KLHL2: variants seen among roughly 807,000 people sequenced by gnomAD.
The protein encoded by KLHL2 is kelch like family member 2.
In KLHL2, 15 loss-of-function variants were observed where a neutral mutation model predicts 75.8. That is an observed-to-expected ratio of 0.20 (90% confidence interval 0.13 to 0.30). KLHL2 has a LOEUF of 0.30. KLHL2 is among the 10% of genes least tolerant of loss of function. The pLI is 1.00. For missense variants in KLHL2, 381 were observed against 741.0 expected (o/e 0.51, Z 5.64); for synonymous variants, 214 against 251.9 (o/e 0.85, Z 1.42).
At chr4:165,222,250 A>G (rs980401800) in intron 2 of KLHL2, among the ~76,000 whole-genome samples, 1 of 152,168 alleles carries the variant, frequency 6.6e-6, no homozygotes, top group Admixed American at 6.5e-5. Context: ...AATGGACAGG[A>G]TGGTGTCTAA....
chr4:165,247,336 C>T (rs1233444114), intron 4 of KLHL2, among the ~76,000 whole-genome samples: 1 of 151,928 alleles, frequency 6.6e-6, no homozygotes, highest in Non-Finnish European at 1.5e-5. Context: ...CAGAGAGTAC[C>T]GAAAGTTCTT....
At chr4:165,286,333 G>A (rs576867282) in intron 5 of KLHL2, among the ~76,000 whole-genome samples, 1 of 152,296 alleles carries the variant, frequency 6.6e-6, no homozygotes, top group African/African-American at 2.4e-5. Flanking sequence ...CAGACAGCTA[G>A]AAATTCAAAC....
intron 9 of KLHL2, among the ~76,000 whole-genome samples, chr4:165,306,337 C>A (rs914408981): frequency 6.6e-6 from 1 of 152,152 alleles, no homozygotes; most frequent in African/African-American, 2.4e-5. Context: ...CTGGAGTTAC[C>A]TCATTCAATA....
intron 3 of KLHL2, among the ~76,000 whole-genome samples, chr4:165,231,746 T>C (rs959805003): frequency 6.6e-6 from 1 of 152,232 alleles, no homozygotes; most frequent in Non-Finnish European, 1.5e-5. Flanking sequence ...TGTGTGGACA[T>C]ATATTTTTAT....
intron 5 of KLHL2, among the ~76,000 whole-genome samples, chr4:165,271,193 G>A (rs1359787093): frequency 2.0e-5 from 3 of 151,964 alleles, no homozygotes; most frequent in African/African-American, 7.3e-5. Context: ...TGTGAAGAGT[G>A]ATGGCATTTT....
At chr4:165,272,180 T>TG (rs1421252539) in intron 5 of KLHL2, among the ~76,000 whole-genome samples, 1 of 152,094 alleles carries the variant, frequency 6.6e-6, no homozygotes, top group Non-Finnish European at 1.5e-5. Context: ...ATTATTTCAG[T>TG]GAAAAAATGT....
chr4:165,254,636 A>G (rs1741019091), intron 4 of KLHL2, among the ~76,000 whole-genome samples: 1 of 152,208 alleles, frequency 6.6e-6, no homozygotes, highest in Non-Finnish European at 1.5e-5. Context: ...ATTGTCTGGA[A>G]ACATTTTGTT....
At chr4:165,212,058 T>A (rs1452337291) in intron 1 of KLHL2, among the ~76,000 whole-genome samples, 1 of 152,172 alleles carries the variant, frequency 6.6e-6, no homozygotes, top group Admixed American at 6.5e-5. Context: ...TCACTTTATG[T>A]TGCATTTCTG....
intron 5 of KLHL2, among the ~76,000 whole-genome samples, chr4:165,266,124 A>C (rs1401846156): frequency 6.6e-6 from 1 of 152,164 alleles, no homozygotes; most frequent in African/African-American, 2.4e-5. Flanking sequence ...TCTTCTTTTG[A>C]GAAGTGTCTG....
Position 165,207,899 on chromosome 4 carries a change from C to T in KLHL2, c.23C>T (p.Pro8Leu). The T allele has an allele frequency of 1.4e-6, 2 of 1,434,950 alleles. No homozygotes were observed. Among genetic ancestry groups the T allele is most frequent in the East Asian group, 6.6e-5 (2 of 30,174 alleles). 88.9% of individuals were successfully genotyped at this position (1,434,950 alleles called of 1,614,324 possible). Residue 8 changes from proline to leucine, a missense_variant, in exon 1 of 15, where the codon CCC (proline) becomes CTC (leucine). Transcript: ENST00000226725. The surrounding 1 kb of genome is among the most constrained non-coding windows in gnomAD (Gnocchi z 4.2). ...ACAATGGAGACGCCGCCGCTGCCTC[C>T]CGCGTGAGTGAGCGGGCGGGCGGGC... is the stretch of plus-strand genomic sequence containing the variant. METPPLP[P>L]ACTKQGHQKP...
chr4:165,290,128 C>T (rs1371272482), intron 5 of KLHL2, among the ~76,000 whole-genome samples: 1 of 151,712 alleles, frequency 6.6e-6, no homozygotes, highest in Non-Finnish European at 1.5e-5. Flanking sequence ...ATTTATTTCT[C>T]AATATTTTAG....
At chr4:165,254,175 T>C (rs1740969968) in intron 4 of KLHL2, among the ~76,000 whole-genome samples, 1 of 152,268 alleles carries the variant, frequency 6.6e-6, no homozygotes, top group Admixed American at 6.5e-5. Context: ...CATTAAGTTG[T>C]TCTAATATGA....
At position 165,310,846 on chromosome 4, in the gene KLHL2, G is replaced by A. The variant is rs1479391821; in HGVS notation, c.1237+96G>A. On this transcript the variant is annotated intron_variant, in intron 10 of 14. Coordinates refer to ENST00000226725, the MANE Select transcript of KLHL2 (RefSeq NM_007246.4). ...GTGGCAACATTAGGGCACATGTGAGGTTTTTTGTGTTTTTTTTTTTTTTTT... is the reference window on the plus strand; with the variant it reads ...GTGGCAACATTAGGGCACATGTGAGATTTTTTGTGTTTTTTTTTTTTTTTT... 7.2e-6 allele frequency: 6 copies of A among 832,522 alleles called. No homozygotes were observed. The East Asian group carries it at 1.5e-4, about 21-fold the overall frequency. The allele number at this position is 832,522 out of a possible 1,614,324, so 51.6% of individuals were successfully genotyped here.
rs1181739624 is a variant in KLHL2 at position 165,314,177 on chromosome 4, G to C, written c.1609+11G>C. ...GCAGAAGAAATGCAGGTATCTGTCAGTTTAAGGTTATAAAACTTATGTTGA... is the reference window on the plus strand; with the variant it reads ...GCAGAAGAAATGCAGGTATCTGTCACTTTAAGGTTATAAAACTTATGTTGA... On this transcript the variant is annotated intron_variant, in intron 13 of 14. Coordinates refer to ENST00000226725, the MANE Select transcript of KLHL2 (RefSeq NM_007246.4). 3 of 1,606,566 alleles carry C rather than the reference G, an allele frequency of 1.9e-6. No individual in the cohort carries two copies. The highest frequency in any genetic ancestry group is 2.5e-6 in the Non-Finnish European group (3 of 1,176,894).
intron 3 of KLHL2, among the ~76,000 whole-genome samples, chr4:165,234,388 C>CA: frequency 6.6e-6 from 1 of 152,070 alleles, no homozygotes; most frequent in East Asian, 1.9e-4. Context: ...TCAGCATAGT[C>CA]AGAGTTTCTG....
At chr4:165,267,223 G>A (rs868011629) in intron 5 of KLHL2, among the ~76,000 whole-genome samples, 28 of 152,190 alleles carry the variant, frequency 1.8e-4, no homozygotes, top group African/African-American at 6.0e-4. Context: ...CTGAGACAAT[G>A]GGGTTTCTAA....
intron 13 of KLHL2, among the ~76,000 whole-genome samples, chr4:165,315,609 G>A (rs1746537054): frequency 6.6e-6 from 1 of 152,088 alleles, no homozygotes; most frequent in Non-Finnish European, 1.5e-5. Flanking sequence ...ATCCAATTGA[G>A]CATATATTTT....
At chr4:165,316,320 A>AT (rs957958038) in intron 13 of KLHL2, among the ~76,000 whole-genome samples, 1 of 152,086 alleles carries the variant, frequency 6.6e-6, no homozygotes, top group African/African-American at 2.4e-5. Flanking sequence ...TTTTGAGATC[A>AT]TTTTTTCTCT....
At chr4:165,265,555 T>A (rs1197294628) in intron 5 of KLHL2, among the ~76,000 whole-genome samples, 1 of 152,096 alleles carries the variant, frequency 6.6e-6, no homozygotes, top group Non-Finnish European at 1.5e-5. Flanking sequence ...TTTTTATATA[T>A]GGTGAGAGAT....
Sources: allele counts gnomAD v4.1 joint callset (sites outside exome capture counted in the v4.1 genomes callset), GRCh38; gene constraint gnomAD v4.1.1; non-coding constraint Gnocchi (gnomAD v3.1); transcripts MANE v1.5; gene names NCBI Gene and HGNC (gene_info 2026-07-23, HGNC 2026-07-21).